ROS1: variants seen among roughly 807,000 people sequenced by gnomAD.
ROS1 encodes proto-oncogene tyrosine-protein kinase ROS.
A neutral mutation model predicts 273.5 loss-of-function variants in ROS1; 263 were observed. The observed-to-expected ratio is 0.96, with a 90% CI of 0.87 to 1.06. The LOEUF (loss-of-function observed/expected upper bound fraction) is 1.06, where lower values mean the gene tolerates loss of function less well. Ranked by LOEUF, ROS1 falls within the 50% of genes least tolerant of loss-of-function variation. The pLI, the probability that ROS1 is intolerant of heterozygous loss-of-function variation, is 0.00. For synonymous variants in ROS1, 1,008 were observed against 954.1 expected (o/e 1.06, Z -1.04); for missense variants, 2,833 against 2,751.1 (o/e 1.03, Z -0.67).
chr6:117,350,869 A>T (rs1467836998), intron 27 of ROS1, among the ~76,000 whole-genome samples: 1 of 151,918 alleles, frequency 6.6e-6, no homozygotes, highest in Non-Finnish European at 1.5e-5. Context: ...ATCTTTGCTC[A>T]CATTGACCAT....
At chr6:117,367,669 A>ACC (rs1780380446) in intron 18 of ROS1, among the ~76,000 whole-genome samples, 1 of 152,138 alleles carries the variant, frequency 6.6e-6, no homozygotes. Flanking sequence ...ACTGCATGGA[A>ACC]CCCCAGCTCA....
Position 117,288,673 on chromosome 6 carries a change from G to T in ROS1, c.6845C>A (p.Ser2282Tyr), listed in dbSNP as rs1306014510. 6.2e-7 allele frequency: 1 copy of T among 1,613,948 alleles called. No individual in the cohort carries two copies. Among genetic ancestry groups the T allele is most frequent in the African/African-American group, 1.3e-5 (1 of 74,900 alleles). Residue 2282 changes from serine (S) to tyrosine (Y), a missense_variant, in exon 44 of 44, where the codon TCT (serine) becomes TAT (tyrosine). Transcript: ENST00000368507. Reference sequence around the variant, plus strand: ...TTCCTGGGAGCCTAGAGGACCCTCAGACTTTTCTTCACCTTGGCCACATTC... The same window carrying T: ...TTCCTGGGAGCCTAGAGGACCCTCATACTTTTCTTCACCTTGGCCACATTC... ...ATECGQGEEK[S>Y]EGPLGSQESE... is the part of the protein sequence containing the mutation.
chr6:117,294,658 A>T (rs909473277), intron 43 of ROS1, among the ~76,000 whole-genome samples: 1 of 152,176 alleles, frequency 6.6e-6, no homozygotes, highest in Non-Finnish European at 1.5e-5. Flanking sequence ...GCATTTCTAT[A>T]TACCAAAAAT....
intron 27 of ROS1, among the ~76,000 whole-genome samples, chr6:117,351,453 GA>G (rs973157673): frequency 6.6e-6 from 1 of 151,876 alleles, no homozygotes; most frequent in Non-Finnish European, 1.5e-5. Context: ...GATTCTCTAA[GA>G]AAAAAACCAG....
At chr6:117,405,522 T>C (rs1774325317) in intron 5 of ROS1, among the ~76,000 whole-genome samples, 3 of 152,128 alleles carry the variant, frequency 2.0e-5, no homozygotes, top group Admixed American at 2.0e-4. Context: ...GATGGAGTTG[T>C]CAGCAGAGTG....
Position 117,342,378 on chromosome 6 carries a change from C to A in ROS1, c.4651+22G>T, listed in dbSNP as rs377226818. 5 of 1,605,860 alleles carry A rather than the reference C, an allele frequency of 3.1e-6. No homozygotes were observed. The African/African-American group carries it at 4.0e-5, about 13-fold the overall frequency. ...TATCACAATATTCTGCTTGAGAAAC[C>A]CACAACAAGCCCATAACTTACCTCC... On this transcript the variant is annotated intron_variant, in intron 29 of 43. Transcript: ENST00000368507.
chr6:117,404,363 AT>A lies in ROS1; in HGVS notation c.381del (p.Trp128GlyfsTer9). On this transcript the variant is annotated frameshift_variant, in exon 6 of 44. Transcript: ENST00000368507. LOFTEE classifies it high-confidence loss of function. Reference sequence around the variant, plus strand: ...ACTCCAGAGAAGTTTGCAGATTTCCATCGTAATGTCATATTGTGGCTTCCAA... The same window carrying A: ...ACTCCAGAGAAGTTTGCAGATTTCCACGTAATGTCATATTGTGGCTTCCAA... ...SSIGSHNMTL[R>X]WKSANFSGVK... 6.2e-7 allele frequency: 1 copy of A among 1,614,048 alleles called. No homozygotes were observed. The highest frequency in any genetic ancestry group is 8.5e-7 in the Non-Finnish European group (1 of 1,179,914).
intron 42 of ROS1, among the ~76,000 whole-genome samples, chr6:117,302,802 C>A (rs973308609): frequency 3.9e-5 from 6 of 152,188 alleles, no homozygotes; most frequent in Non-Finnish European, 7.3e-5. Flanking sequence ...AAGTGAGGGT[C>A]CTCCACTCAA....
chr6:117,386,330 A>G (rs557021127), intron 15 of ROS1, among the ~76,000 whole-genome samples: 1 of 152,348 alleles, frequency 6.6e-6, no homozygotes, highest in South Asian at 2.1e-4. Context: ...TGTACTTTTA[A>G]TGGCCAAATA....
intron 31 of ROS1, among the ~76,000 whole-genome samples, chr6:117,338,386 A>G (rs1305109064): frequency 6.6e-6 from 1 of 152,078 alleles, no homozygotes; most frequent in Non-Finnish European, 1.5e-5. Context: ...AACTTAAAAA[A>G]ATAGAACTGC....
Position 117,389,517 on chromosome 6 carries a change from C to T in ROS1, c.1619G>A (p.Gly540Glu), listed in dbSNP as rs1234135807. ...DALSFNEFIV[G>E]CDLSHIEEFG... Reference sequence around the variant, plus strand: ...TTCTTCTATGTGACTCAGGTCACATCCCACGATGAATTCATTAAAAGACAA... The same window carrying T: ...TTCTTCTATGTGACTCAGGTCACATTCCACGATGAATTCATTAAAAGACAA... Residue 540 changes from glycine (G) to glutamate (E), a missense_variant, in exon 13 of 44, where the codon GGA becomes GAA. Coordinates refer to ENST00000368507, the MANE Select transcript of ROS1 (RefSeq NM_001378902.1). 9 of 1,614,130 alleles carry T rather than the reference C, an allele frequency of 5.6e-6. No homozygotes were observed. Among genetic ancestry groups the T allele is most frequent in the Admixed American group, 3.3e-5 (2 of 60,014 alleles).
intron 27 of ROS1, among the ~76,000 whole-genome samples, chr6:117,348,386 A>G (rs1227923332): frequency 1.3e-5 from 2 of 151,936 alleles, no homozygotes; most frequent in Admixed American, 1.3e-4. Context: ...TGTTAATAGT[A>G]TTCCTTGATT....
chr6:117,402,302 G>A (rs531304309), intron 7 of ROS1, among the ~76,000 whole-genome samples: 65 of 152,172 alleles, frequency 4.3e-4, no homozygotes, highest in African/African-American at 1.3e-3. Flanking sequence ...TCTTCCACAC[G>A]GACCATCCCT....
In ROS1 at chr6:117,341,444, G is replaced by A. The variant is rs146668165; in HGVS notation, c.4840C>T (p.Leu1614Phe). Residue 1614 changes from leucine to phenylalanine, a missense_variant, in exon 30 of 44, where the codon CTC (leucine) becomes TTC (phenylalanine). Leu to Phe is a conservative substitution (Grantham distance 22). Coordinates refer to ENST00000368507, the MANE Select transcript of ROS1 (RefSeq NM_001378902.1). ...QSEFPNGRLT[L>F]LVTRLSGGNI... ...CCACCAGACAGTCTAGTAACAAGGA[G>A]AGTGAGCCTTCCATTTGGAAATTCA... 194 of 1,613,882 alleles carry A rather than the reference G, an allele frequency of 1.2e-4. No homozygotes were observed. In the Middle Eastern group the frequency reaches 1.5e-3, roughly 12 times the overall value.
intron 4 of ROS1, among the ~76,000 whole-genome samples, chr6:117,414,121 T>C (rs1181089945): frequency 6.6e-6 from 1 of 152,192 alleles, no homozygotes; most frequent in Non-Finnish European, 1.5e-5. Context: ...TAGAGCACTA[T>C]ACATTGTGGG....
At chr6:117,345,139 G>A (rs1156765432) in intron 27 of ROS1, among the ~76,000 whole-genome samples, 1 of 152,120 alleles carries the variant, frequency 6.6e-6, no homozygotes, top group Non-Finnish European at 1.5e-5. Flanking sequence ...GCTCCTGCCC[G>A]CATATCCAGT....
chr6:117,418,460 A>T lies in ROS1; in HGVS notation c.168+2T>A, dbSNP rs760324658. ...TTCTTGACAACTGAAGAAATTACTTACCGGTTCACTCAGATTATGTGGTGT... is the reference window on the plus strand; with the variant it reads ...TTCTTGACAACTGAAGAAATTACTTTCCGGTTCACTCAGATTATGTGGTGT... On this transcript the variant is annotated splice_donor_variant, in intron 2 of 43. Coordinates refer to ENST00000368507, the MANE Select transcript of ROS1 (RefSeq NM_001378902.1). LOFTEE classifies it high-confidence loss of function. 1 of 1,592,930 alleles carries T rather than the reference A, an allele frequency of 6.3e-7. No individual in the cohort carries two copies. Among genetic ancestry groups the T allele is most frequent in the Non-Finnish European group, 8.5e-7 (1 of 1,170,186 alleles).
rs41291918 is a variant in ROS1 at position 117,288,691 on chromosome 6, C to T, written c.6827G>A (p.Gly2276Asp). The change falls in exon 44 of 44, where the codon GGC (glycine) becomes GAC (aspartate). Residue 2276 changes from glycine to aspartate, a missense_variant. By Grantham distance (94) the Gly-to-Asp change is moderately conservative (BLOSUM62 -1). Transcript: ENST00000368507. The part of the protein sequence containing the change: ...LNYMVLATEC[G>D]QGEEKSEGPL... Reference sequence around the variant, plus strand: ...ACCCTCAGACTTTTCTTCACCTTGGCCACATTCTGTAGCAAGTACCATATA... The same window carrying T: ...ACCCTCAGACTTTTCTTCACCTTGGTCACATTCTGTAGCAAGTACCATATA... 244 of 1,614,128 alleles carry T rather than the reference C, an allele frequency of 1.5e-4. No individual in the cohort carries two copies. The highest frequency in any genetic ancestry group is 2.0e-4 in the Non-Finnish European group (233 of 1,180,006).
At chr6:117,344,392 A>G (rs1420814968) in intron 27 of ROS1, 130 bp from the exon 28 acceptor site, 1 of 643,616 alleles carries the variant, frequency 1.6e-6, no homozygotes, top group Non-Finnish European at 2.6e-6. Context: ...TTGCTTGAAA[A>G]CATAAATATG....
Sources: allele counts gnomAD v4.1 joint callset (sites outside exome capture counted in the v4.1 genomes callset), GRCh38; gene constraint gnomAD v4.1.1; transcripts MANE v1.5; gene names NCBI Gene and HGNC (gene_info 2026-07-23, HGNC 2026-07-21).